KLHL1: variants seen among roughly 807,000 people sequenced by gnomAD.
The protein encoded by KLHL1 is kelch like family member 1, also known as kelch-like protein 1.
Under a neutral mutation model 77.7 loss-of-function variants are expected in KLHL1, and 47 were observed. The ratio of observed to expected loss-of-function variants is 0.60; its 90% CI spans 0.48 to 0.77. The LOEUF (loss-of-function observed/expected upper bound fraction) is 0.77, where lower values mean the gene tolerates loss of function less well. Among genes scored for constraint, KLHL1 ranks in the 30% least tolerant of loss-of-function variants. The pLI is 0.00. For missense variants in KLHL1, 925 were observed against 910.8 expected, an observed-to-expected ratio of 1.02 and a Z score of -0.20; for synonymous variants, 360 against 325.2, an observed-to-expected ratio of 1.11 and a Z score of -1.15.
intron 1 of KLHL1, among the ~76,000 whole-genome samples, chr13:69,977,647 T>C (rs1014912821): frequency 1.3e-5 from 2 of 152,070 alleles, no homozygotes; most frequent in Non-Finnish European, 2.9e-5. Flanking sequence ...TCCAGTGAAA[T>C]TGGACTTAAA....
At chr13:69,903,758 C>T (rs1881952943) in intron 4 of KLHL1, among the ~76,000 whole-genome samples, 1 of 147,168 alleles carries the variant, frequency 6.8e-6, no homozygotes, top group Non-Finnish European at 1.5e-5. Context: ...TCTCCTGCCT[C>T]AGCCTCCCGA....
rs538816311 is a variant in KLHL1, at chr13:70,019,237, A to G, written c.498-43435T>C. 5.9e-5 allele frequency among the ~76,000 whole-genome samples: 9 copies of G among 152,310 alleles called. No homozygotes were observed. The East Asian group carries it at 1.5e-3, about 26-fold the overall frequency. ...AGTGTTTGCAAGTCCAAAGAAGAGA[A>G]CAAATGGAAACGTAATATGTTGAAA... On this transcript the variant is annotated intron_variant, in intron 1 of 10. Transcript: ENST00000377844.
chr13:69,778,993 T>G (rs1256868191), intron 7 of KLHL1, among the ~76,000 whole-genome samples: 1 of 151,876 alleles, frequency 6.6e-6, no homozygotes, highest in Admixed American at 6.6e-5. Flanking sequence ...AGAGATAGGG[T>G]TTCACCCTGT....
At chr13:70,105,218 A>G (rs1888020889) in intron 1 of KLHL1, among the ~76,000 whole-genome samples, 1 of 152,054 alleles carries the variant, frequency 6.6e-6, no homozygotes, top group African/African-American at 2.4e-5. Context: ...CTCTTTGTGA[A>G]TAAAAATAAT....
intron 4 of KLHL1, among the ~76,000 whole-genome samples, chr13:69,927,473 G>A (rs910720482): frequency 1.3e-5 from 2 of 151,926 alleles, no homozygotes; most frequent in Admixed American, 6.6e-5. Flanking sequence ...AGTGAGAAGC[G>A]ACCCACAAAA....
chr13:70,091,312 T>C (rs546375531), intron 1 of KLHL1, among the ~76,000 whole-genome samples: 2 of 151,332 alleles, frequency 1.3e-5, no homozygotes, highest in African/African-American at 4.9e-5. Context: ...CCTCCAACTC[T>C]TTTTTCTCTT....
At chr13:70,031,740 G>A (rs1593689292) in intron 1 of KLHL1, among the ~76,000 whole-genome samples, 1 of 152,160 alleles carries the variant, frequency 6.6e-6, no homozygotes, top group African/African-American at 2.4e-5. Context: ...ATTGGAAGCT[G>A]TATTTCCTCC....
At chr13:69,744,099 T>C (rs1337723818) in intron 7 of KLHL1, among the ~76,000 whole-genome samples, 1 of 152,136 alleles carries the variant, frequency 6.6e-6, no homozygotes. Context: ...AAAGTCGTAG[T>C]CCTAGATATA....
At chr13:69,907,831 T>C (rs1160102857) in intron 4 of KLHL1, among the ~76,000 whole-genome samples, 1 of 152,024 alleles carries the variant, frequency 6.6e-6, no homozygotes, top group East Asian at 1.9e-4. Flanking sequence ...GGATGCAGGA[T>C]AGGTTAAAAT....
chr13:69,787,387 C>G (rs923527911), intron 7 of KLHL1, among the ~76,000 whole-genome samples: 25 of 152,284 alleles, frequency 1.6e-4, no homozygotes, highest in South Asian at 1.5e-3. Flanking sequence ...TTCAATAAAC[C>G]TGACAAAAAC....
At chr13:70,099,873 AATTT>A (rs1165948901) in intron 1 of KLHL1, among the ~76,000 whole-genome samples, 3 of 151,952 alleles carry the variant, frequency 2.0e-5, no homozygotes, top group African/African-American at 4.8e-5. Flanking sequence ...ACTATTAACA[AATTT>A]ATTTATTCAT....
chr13:69,981,867 CTG>C (rs1373829369), intron 1 of KLHL1, among the ~76,000 whole-genome samples: 3 of 151,668 alleles, frequency 2.0e-5, no homozygotes, highest in Admixed American at 1.3e-4. Flanking sequence ...GATTCTGAAA[CTG>C]TAATTATGAT....
chr13:70,076,365 A>G (rs890739295), intron 1 of KLHL1, among the ~76,000 whole-genome samples: 3 of 148,516 alleles, frequency 2.0e-5, no homozygotes, highest in African/African-American at 7.4e-5. Flanking sequence ...CCACAATGGC[A>G]TGCCAGTGAG....
intron 1 of KLHL1, among the ~76,000 whole-genome samples, chr13:70,044,645 T>A (rs760648083): frequency 4.5e-4 from 69 of 152,306 alleles, no homozygotes; most frequent in Non-Finnish European, 9.0e-4. Context: ...ACAAATGACC[T>A]TTGGATTAGA....
intron 4 of KLHL1, among the ~76,000 whole-genome samples, chr13:69,939,787 C>A (rs979119626): frequency 2.0e-5 from 3 of 151,958 alleles, no homozygotes; most frequent in South Asian, 2.1e-4. Flanking sequence ...TTTGCAATGT[C>A]TTTTATGATA....
chr13:69,840,061 T>C (rs1358345500), intron 5 of KLHL1, among the ~76,000 whole-genome samples: 1 of 151,932 alleles, frequency 6.6e-6, no homozygotes, highest in Admixed American at 6.6e-5. Flanking sequence ...ATAAAAAAAT[T>C]GTACCACATC....
At chr13:69,823,205 C>T (rs61965334) in intron 6 of KLHL1, among the ~76,000 whole-genome samples, 4,614 of 152,238 alleles carry the variant, frequency 0.03, 98 homozygotes, top group Non-Finnish European at 0.045. Flanking sequence ...AACAACTTAA[C>T]ATGCAACCCT....
At chr13:70,061,766 T>C (rs1224657443) in intron 1 of KLHL1, among the ~76,000 whole-genome samples, 3 of 152,220 alleles carry the variant, frequency 2.0e-5, no homozygotes, top group Non-Finnish European at 4.4e-5. Flanking sequence ...TCTCTTTTTT[T>C]GTGTGTTTAT....
At chr13:70,004,706 T>A (rs919696364) in intron 1 of KLHL1, among the ~76,000 whole-genome samples, 1 of 151,872 alleles carries the variant, frequency 6.6e-6, no homozygotes, top group Non-Finnish European at 1.5e-5. Flanking sequence ...AATACTTTTT[T>A]AAAATGTTGT....
Sources: allele counts gnomAD v4.1 joint callset (sites outside exome capture counted in the v4.1 genomes callset), GRCh38; gene constraint gnomAD v4.1.1; transcripts MANE v1.5; gene names NCBI Gene and HGNC (gene_info 2026-07-23, HGNC 2026-07-21).